Variants in TAMM41 observed in about 807,000 individuals in gnomAD.
TAMM41 encodes TAM41 mitochondrial translocator assembly and maintenance homolog.
TAMM41 carries 36 observed loss-of-function variants against 44.1 expected under a neutral mutation model. That is an observed-to-expected ratio of 0.82 (90% CI 0.63 to 1.08). The LOEUF is 1.08. TAMM41 is among the 50% of genes least tolerant of loss of function. The pLI is 0.00. For missense variants in TAMM41, 417 were observed against 404.3 expected, an observed-to-expected ratio of 1.03 and a Z score of -0.27; for synonymous variants, 164 against 153.1, an observed-to-expected ratio of 1.07 and a Z score of -0.53.
the TAMM41 span, among the ~76,000 whole-genome samples, chr3:11,736,448 A>G: frequency 1.3e-5 from 2 of 152,186 alleles, no homozygotes; most frequent in Non-Finnish European, 2.9e-5. Context: ...GCCTTTTATT[A>G]GCTTGTTTTG....
At chr3:11,728,287 C>T in the TAMM41 span, among the ~76,000 whole-genome samples, 4 of 152,238 alleles carry the variant, frequency 2.6e-5, no homozygotes, top group African/African-American at 9.6e-5. Flanking sequence ...GCTTTCCGCA[C>T]TGAATTTCCA....
At chr3:11,819,184 C>G (rs1310027108) in intron 4 of TAMM41, among the ~76,000 whole-genome samples, 1 of 152,160 alleles carries the variant, frequency 6.6e-6, no homozygotes, top group African/African-American at 2.4e-5. Flanking sequence ...CAAGAAACCC[C>G]ATCTCTGGAG....
chr3:11,773,081 C>T, the TAMM41 span, among the ~76,000 whole-genome samples: 3 of 152,104 alleles, frequency 2.0e-5, no homozygotes, highest in East Asian at 1.9e-4. Context: ...CTCATCCTCC[C>T]GAGTAGCTGG....
intron 5 of TAMM41, among the ~76,000 whole-genome samples, chr3:11,812,672 GT>G (rs1553572513): frequency 6.6e-6 from 1 of 152,158 alleles, no homozygotes; most frequent in Non-Finnish European, 1.5e-5. Flanking sequence ...ATCCCATGCC[GT>G]AAGTCCAGCA....
At chr3:11,733,443 G>A in the TAMM41 span, among the ~76,000 whole-genome samples, 1 of 152,088 alleles carries the variant, frequency 6.6e-6, no homozygotes, top group Non-Finnish European at 1.5e-5. Flanking sequence ...TCTGGAAGGG[G>A]GTGTTGCATG....
the TAMM41 span, among the ~76,000 whole-genome samples, chr3:11,729,517 C>T: frequency 2.8e-5 from 2 of 72,122 alleles, no homozygotes; most frequent in Admixed American, 1.6e-4. Context: ...TTCTTTCTTT[C>T]TTTCTTTCTT....
At chr3:11,725,461 C>A in the TAMM41 span, among the ~76,000 whole-genome samples, 1 of 150,930 alleles carries the variant, frequency 6.6e-6, no homozygotes, top group Non-Finnish European at 1.5e-5. Flanking sequence ...CCTCCTTCTT[C>A]TTCTTCTCAT....
At chr3:11,808,646 T>C (rs184575808) in intron 6 of TAMM41, 1 of 982,272 alleles carries the variant, frequency 1.0e-6, no homozygotes, top group East Asian at 1.1e-4. Flanking sequence ...TTCATAAATA[T>C]TTCTTGATTG....
chr3:11,806,080 C>T (rs1041649251), intron 7 of TAMM41, among the ~76,000 whole-genome samples: 5 of 152,210 alleles, frequency 3.3e-5, no homozygotes, highest in South Asian at 2.1e-4. Context: ...ATTCACCTTC[C>T]GCCATGATTC....
intron 4 of TAMM41, among the ~76,000 whole-genome samples, chr3:11,827,506 G>C (rs2078804828): frequency 6.6e-6 from 1 of 151,338 alleles, no homozygotes; most frequent in South Asian, 2.1e-4. Context: ...ATGGAGTTTT[G>C]CCATGTTGGC....
the TAMM41 span, among the ~76,000 whole-genome samples, chr3:11,749,473 C>T: frequency 4.6e-5 from 7 of 152,234 alleles, no homozygotes; most frequent in African/African-American, 1.7e-4. Context: ...TTCTGTGCAA[C>T]GCCAACCTAC....
the TAMM41 span, among the ~76,000 whole-genome samples, chr3:11,727,745 A>G: frequency 6.6e-6 from 1 of 151,362 alleles, no homozygotes; most frequent in Non-Finnish European, 1.5e-5. Context: ...GATTACAGAC[A>G]TAAGCCACTG....
the TAMM41 span, among the ~76,000 whole-genome samples, chr3:11,725,454 C>CCTCCTCCTCCTCCTCCTTCTT: frequency 7.3e-6 from 1 of 137,722 alleles, no homozygotes; most frequent in African/African-American, 2.8e-5. Context: ...TCCTCCTCCT[C>CCTCCTCCTCCTCCTCCTTCTT]CTTCTTCTTC....
intron 4 of TAMM41, among the ~76,000 whole-genome samples, chr3:11,825,810 G>T (rs1485874822): frequency 6.6e-6 from 1 of 150,618 alleles, no homozygotes; most frequent in Non-Finnish European, 1.5e-5. Context: ...TTTAATTTAA[G>T]AAACAGGGTC....
chr3:11,736,950 G>A, the TAMM41 span, among the ~76,000 whole-genome samples: 1 of 152,104 alleles, frequency 6.6e-6, no homozygotes, highest in Non-Finnish European at 1.5e-5. Flanking sequence ...GGGATGATTC[G>A]AAGGCTTGGT....
chr3:11,812,440 A>G (rs147117852), intron 5 of TAMM41, among the ~76,000 whole-genome samples: 30 of 152,192 alleles, frequency 2.0e-4, no homozygotes, highest in African/African-American at 7.2e-4. Flanking sequence ...TATATTCCCA[A>G]CTGGCAGAAG....
At chr3:11,774,431 G>A in the TAMM41 span, among the ~76,000 whole-genome samples, 1 of 152,232 alleles carries the variant, frequency 6.6e-6, no homozygotes, top group South Asian at 2.1e-4. Context: ...AGTGCCAGAG[G>A]GACTGTTACC....
At position 11,809,589 on chromosome 3, in the gene TAMM41, T is replaced by A; in HGVS notation, c.802A>T (p.Lys268Ter). 6.2e-7 allele frequency: 1 copy of A among 1,614,164 alleles called. No homozygotes were observed. Among genetic ancestry groups the A allele is most frequent in the Non-Finnish European group, 8.5e-7 (1 of 1,180,020 alleles). ...AAAGTTTCTTCCACATCTCTGTTTT[T>A]TCCAGGAGGGTCCATAATATGATTT... ...QINHIMDPPG[K>*]NRDVEETLFQ... The change falls in exon 6 of 8, where the codon AAA (lysine) becomes TAA (stop). Residue 268 changes from lysine to a stop codon, truncating the protein, a stop_gained. Coordinates refer to ENST00000455809, the MANE Select transcript of TAMM41 (RefSeq NM_001284401.2). LOFTEE classifies it high-confidence loss of function.
At chr3:11,740,397 C>T in the TAMM41 span, among the ~76,000 whole-genome samples, 1 of 151,914 alleles carries the variant, frequency 6.6e-6, no homozygotes, top group Non-Finnish European at 1.5e-5. Flanking sequence ...ATCATTTGCC[C>T]CAATGGAAAC....
Sources: gnomAD v4.1 joint callset for allele counts (sites outside exome capture counted in the v4.1 genomes callset) on GRCh38, gnomAD v4.1.1 for gene constraint, MANE v1.5 for transcripts, NCBI Gene and HGNC (gene_info 2026-07-23, HGNC 2026-07-21) for gene names.